CADM2: variants seen among roughly 807,000 people sequenced by gnomAD.
The protein encoded by CADM2 is immunoglobulin superfamily member 4D.
CADM2 carries 12 observed loss-of-function variants against 49.8 expected under a neutral mutation model. The ratio of observed to expected loss-of-function variants is 0.24; its 90% CI spans 0.15 to 0.39. The LOEUF (loss-of-function observed/expected upper bound fraction) is 0.39. CADM2 is among the 10% of genes least tolerant of loss of function. The pLI is 1.00. For synonymous variants in CADM2, 214 were observed against 175.4 expected, an observed-to-expected ratio of 1.22 and a Z score of -1.74; for missense variants, 378 against 492.3, an observed-to-expected ratio of 0.77 and a Z score of 2.20.
At chr3:85,653,602 T>A (rs2065117316) in intron 1 of CADM2, among the ~76,000 whole-genome samples, 1 of 152,066 alleles carries the variant, frequency 6.6e-6, no homozygotes, top group Non-Finnish European at 1.5e-5. Flanking sequence ...ATTTGTTTTA[T>A]GATATTTTTT....
intron 3 of CADM2, among the ~76,000 whole-genome samples, chr3:85,864,244 G>C (rs2075641647): frequency 6.6e-6 from 1 of 152,110 alleles, no homozygotes; most frequent in Non-Finnish European, 1.5e-5. Flanking sequence ...ATGTCAAAAT[G>C]CATTGATTAC....
Position 85,333,290 on chromosome 3 carries a change from T to A in CADM2, c.61+373622T>A, listed in dbSNP as rs1215974189. ...CTTAATTACTAAAAAATCTACATCTTGTTTTTAATATTAGCGAGCCATGTA... is the reference window on the plus strand; with the variant it reads ...CTTAATTACTAAAAAATCTACATCTAGTTTTTAATATTAGCGAGCCATGTA... On this transcript the variant is annotated intron_variant, in intron 1 of 9. Coordinates refer to ENST00000383699, the MANE Select transcript of CADM2 (RefSeq NM_001167675.2). 3.9e-5 allele frequency among the ~76,000 whole-genome samples: 6 copies of A among 151,964 alleles called. No homozygotes were observed. In the East Asian group the frequency reaches 9.6e-4, roughly 24 times the overall value.
chr3:85,471,021 A>C (rs1428164634), intron 1 of CADM2, among the ~76,000 whole-genome samples: 1 of 152,190 alleles, frequency 6.6e-6, no homozygotes, highest in African/African-American at 2.4e-5. Context: ...ACTCACTATG[A>C]AATTCTGTGG....
intron 1 of CADM2, among the ~76,000 whole-genome samples, chr3:85,470,450 G>T (rs367737308): frequency 2.6e-5 from 4 of 152,200 alleles, no homozygotes; most frequent in East Asian, 3.9e-4. Context: ...AACAAGAAAA[G>T]AATTCAGACA....
At position 85,093,005 on chromosome 3, in the gene CADM2, C is replaced by G. The variant is rs960401869; in HGVS notation, c.61+133337C>G. Among the ~76,000 whole-genome samples the G allele has an allele frequency of 1.1e-4, 16 of 152,100 alleles. 1 individual carries two copies. The highest frequency in any genetic ancestry group is 2.9e-5 in the Non-Finnish European group (2 of 68,014). ...ATATCAGCACTTTGCATAAACTTTT[C>G]TACTTTCTGTAATATTCTTCCCCTT... On this transcript the variant is annotated intron_variant, in intron 1 of 9. Coordinates refer to ENST00000383699, the MANE Select transcript of CADM2 (RefSeq NM_001167675.2).
At chr3:86,062,651 A>G (rs1055666729) in intron 8 of CADM2, among the ~76,000 whole-genome samples, 2 of 140,726 alleles carry the variant, frequency 1.4e-5, no homozygotes, top group Admixed American at 7.1e-5. Flanking sequence ...CTAATTAGCT[A>G]TGGTAGCGGG....
At chr3:85,468,084 G>A (rs1428529776) in intron 1 of CADM2, among the ~76,000 whole-genome samples, 4 of 148,122 alleles carry the variant, frequency 2.7e-5, no homozygotes, top group Non-Finnish European at 4.5e-5. Context: ...AACCCGGGAG[G>A]CGGAGCTTGC....
intron 1 of CADM2, among the ~76,000 whole-genome samples, chr3:85,129,947 G>T (rs183961578): frequency 6.6e-6 from 1 of 152,114 alleles, no homozygotes; most frequent in Admixed American, 6.5e-5. Context: ...TGCCTTCCAC[G>T]CTTTTAATGC....
At chr3:85,412,761 A>G (rs2035715378) in intron 1 of CADM2, among the ~76,000 whole-genome samples, 1 of 152,182 alleles carries the variant, frequency 6.6e-6, no homozygotes, top group Non-Finnish European at 1.5e-5. Context: ...GCTTAAGGTA[A>G]CATAGTACAG....
At chr3:85,293,283 G>T (rs1035432805) in intron 1 of CADM2, among the ~76,000 whole-genome samples, 1 of 151,908 alleles carries the variant, frequency 6.6e-6, no homozygotes, top group African/African-American at 2.4e-5. Flanking sequence ...ATCTGAAATT[G>T]TGGCAATAAT....
intron 1 of CADM2, among the ~76,000 whole-genome samples, chr3:85,279,005 G>T (rs2043429605): frequency 6.6e-6 from 1 of 151,238 alleles, no homozygotes; most frequent in Admixed American, 6.6e-5. Flanking sequence ...AAATTGTATA[G>T]CTTATTAATA....
chr3:85,404,351 T>A lies in CADM2; in HGVS notation c.62-322171T>A, dbSNP rs564867452. ...TACAGCTTGTGTATTGTGTATGTGT[T>A]TATGTACATTTGATTGATTTTCCGC... On this transcript the variant is annotated intron_variant, in intron 1 of 9. Transcript: ENST00000383699. Among the ~76,000 whole-genome samples, 39 of 152,184 alleles carry A rather than the reference T, an allele frequency of 2.6e-4. No homozygotes were observed. In the East Asian group the frequency reaches 4.3e-3, roughly 17 times the overall value.
At chr3:85,102,798 A>T (rs1225272519) in intron 1 of CADM2, among the ~76,000 whole-genome samples, 4 of 152,140 alleles carry the variant, frequency 2.6e-5, no homozygotes, top group African/African-American at 9.6e-5. Flanking sequence ...GTTGCTGCAT[A>T]ATTTTGACAG....
intron 2 of CADM2, among the ~76,000 whole-genome samples, chr3:85,732,327 A>G (rs2067969646): frequency 6.6e-6 from 1 of 152,122 alleles, no homozygotes; most frequent in Non-Finnish European, 1.5e-5. Context: ...AAATCTTCAT[A>G]AAAAACGAAT....
intron 1 of CADM2, among the ~76,000 whole-genome samples, chr3:85,355,699 G>A (rs949117509): frequency 2.6e-5 from 4 of 152,092 alleles, no homozygotes; most frequent in Non-Finnish European, 5.9e-5. Context: ...GGGTGGCTTT[G>A]GAGGATAGCT....
chr3:85,437,050 G>C (rs182719700), intron 1 of CADM2, among the ~76,000 whole-genome samples: 77 of 147,258 alleles, frequency 5.2e-4, no homozygotes, highest in Non-Finnish European at 8.0e-4. Flanking sequence ...TTTTACTACT[G>C]TCTTTATAGT....
intron 1 of CADM2, among the ~76,000 whole-genome samples, chr3:84,993,100 C>T (rs1255190030): frequency 1.3e-5 from 2 of 152,068 alleles, no homozygotes; most frequent in Admixed American, 1.3e-4. Context: ...TGTACTAGAA[C>T]ATAGAACTAA....
intron 1 of CADM2, among the ~76,000 whole-genome samples, chr3:85,341,021 A>G (rs1385596205): frequency 2.0e-5 from 3 of 151,866 alleles, no homozygotes; most frequent in African/African-American, 7.2e-5. Context: ...AATCTTAGTC[A>G]CTGTGTTGCT....
chr3:85,743,826 G>T (rs997170835), intron 2 of CADM2, among the ~76,000 whole-genome samples: 2 of 152,066 alleles, frequency 1.3e-5, no homozygotes, highest in African/African-American at 4.8e-5. Context: ...GATTTAGGAA[G>T]AAAAGAGACA....
Sources: allele counts gnomAD v4.1 joint callset (sites outside exome capture counted in the v4.1 genomes callset), GRCh38; gene constraint gnomAD v4.1.1; transcripts MANE v1.5; gene names NCBI Gene and HGNC (gene_info 2026-07-23, HGNC 2026-07-21).